SOX5: variants seen among roughly 807,000 people sequenced by gnomAD.
The protein encoded by SOX5 is SRY-box transcription factor 5.
Under a neutral mutation model 92.0 loss-of-function variants are expected in SOX5, and 9 were observed. The observed-to-expected ratio is 0.10, with a 90% confidence interval of 0.06 to 0.17. The LOEUF (loss-of-function observed/expected upper bound fraction) is 0.17. Among genes scored for constraint, SOX5 ranks in the 10% least tolerant of loss-of-function variants. The pLI is 1.00. For missense variants in SOX5, 642 were observed against 944.5 expected, an observed-to-expected ratio of 0.68 and a Z score of 4.20; for synonymous variants, 344 against 336.3, an observed-to-expected ratio of 1.02 and a Z score of -0.25.
intron 6 of SOX5, among the ~76,000 whole-genome samples, chr12:23,671,409 G>T (rs1326613877): frequency 6.6e-6 from 1 of 152,116 alleles, no homozygotes; most frequent in Admixed American, 6.6e-5. Context: ...GGGGAGCATA[G>T]CAGCTGTTTA....
intron 12 of SOX5, among the ~76,000 whole-genome samples, chr12:23,544,218 C>G (rs1245871474): frequency 6.6e-6 from 1 of 152,120 alleles, no homozygotes; most frequent in African/African-American, 2.4e-5. Context: ...CAAGAGTTAA[C>G]AACGATAGCT....
intron 3 of SOX5, among the ~76,000 whole-genome samples, chr12:24,265,271 G>A (rs1049540074): frequency 6.6e-6 from 1 of 152,166 alleles, no homozygotes; most frequent in South Asian, 2.1e-4. Flanking sequence ...ATATGGCCAG[G>A]TGTGGTGGCT....
chr12:23,605,647 T>A (rs191541627), intron 8 of SOX5, among the ~76,000 whole-genome samples: 318 of 151,804 alleles, frequency 2.1e-3, no homozygotes, highest in African/African-American at 7.4e-3. Flanking sequence ...TTATCTTGAT[T>A]TTTTTTCTGA....
At chr12:23,966,169 C>A (rs1318505628) in intron 4 of SOX5, among the ~76,000 whole-genome samples, 2 of 131,220 alleles carry the variant, frequency 1.5e-5, no homozygotes, top group Non-Finnish European at 3.1e-5. Flanking sequence ...GAATCCCCGC[C>A]TCCCCAGATT....
intron 4 of SOX5, among the ~76,000 whole-genome samples, chr12:24,186,913 A>G (rs1243022979): frequency 5.0e-5 from 7 of 139,834 alleles, no homozygotes; most frequent in Non-Finnish European, 1.1e-4. Context: ...TGCTTTTGTA[A>G]AAAAGAAAAC....
At chr12:23,839,011 T>A (rs538487065) in intron 3 of SOX5, among the ~76,000 whole-genome samples, 1 of 151,768 alleles carries the variant, frequency 6.6e-6, no homozygotes, top group South Asian at 2.1e-4. Flanking sequence ...AGCTATTTTT[T>A]TTTTTTTTTG....
intron 2 of SOX5, among the ~76,000 whole-genome samples, chr12:24,321,089 G>T (rs1950177124): frequency 6.6e-6 from 1 of 152,082 alleles, no homozygotes; most frequent in African/African-American, 2.4e-5. Context: ...TTGTTAGAAG[G>T]CCTGGTTGTA....
intron 3 of SOX5, among the ~76,000 whole-genome samples, chr12:24,262,699 C>T (rs768223881): frequency 6.6e-6 from 1 of 152,176 alleles, no homozygotes; most frequent in Non-Finnish European, 1.5e-5. Context: ...TCTCCTCTCT[C>T]ACCTCCAGCT....
At chr12:23,880,095 G>A (rs1057152894) in intron 2 of SOX5, among the ~76,000 whole-genome samples, 14 of 152,154 alleles carry the variant, frequency 9.2e-5, no homozygotes, top group Admixed American at 6.6e-5. Flanking sequence ...CTCTAGAGGA[G>A]CAATAATCTA....
intron 1 of SOX5, among the ~76,000 whole-genome samples, chr12:23,941,758 G>C (rs1943691464): frequency 6.6e-6 from 1 of 151,572 alleles, no homozygotes; most frequent in Middle Eastern, 3.2e-3. Context: ...TGAATAGTTT[G>C]AGCACCAGTT....
intron 1 of SOX5, among the ~76,000 whole-genome samples, chr12:24,440,381 A>G (rs1940292617): frequency 6.6e-6 from 1 of 152,168 alleles, no homozygotes; most frequent in Non-Finnish European, 1.5e-5. Flanking sequence ...TCCCTTCCAC[A>G]GGATCCGCAG....
intron 10 of SOX5, among the ~76,000 whole-genome samples, chr12:23,571,603 C>G (rs1205193497): frequency 6.6e-6 from 1 of 152,096 alleles, no homozygotes; most frequent in Non-Finnish European, 1.5e-5. Flanking sequence ...AAGGCAACAA[C>G]TAAAAAGAAT....
chr12:23,679,293 C>G (rs1199049457), intron 6 of SOX5, among the ~76,000 whole-genome samples: 2 of 152,032 alleles, frequency 1.3e-5, no homozygotes, highest in East Asian at 3.9e-4. Flanking sequence ...AGGGGATATT[C>G]CTTTGGTGAA....
intron 2 of SOX5, among the ~76,000 whole-genome samples, chr12:24,303,710 C>A (rs1280913111): frequency 6.6e-6 from 1 of 152,024 alleles, no homozygotes. Flanking sequence ...TGAAGGTCAC[C>A]GATTCCTTCT....
chr12:23,564,168 C>T (rs957459043), intron 10 of SOX5, among the ~76,000 whole-genome samples: 2 of 152,154 alleles, frequency 1.3e-5, no homozygotes, highest in Non-Finnish European at 2.9e-5. Context: ...GTAATACACA[C>T]TACCAAAATA....
chr12:24,434,445 T>G (rs1450519492), intron 1 of SOX5, among the ~76,000 whole-genome samples: 1 of 152,210 alleles, frequency 6.6e-6, no homozygotes, highest in Non-Finnish European at 1.5e-5. Context: ...CCAACTCCTG[T>G]ATACGCTCTA....
intron 6 of SOX5, among the ~76,000 whole-genome samples, chr12:23,667,509 G>A (rs952380267): frequency 5.9e-5 from 9 of 152,072 alleles, no homozygotes; most frequent in East Asian, 3.9e-4. Flanking sequence ...GAGTGACATC[G>A]AAATTTAAAG....
intron 3 of SOX5, among the ~76,000 whole-genome samples, chr12:23,758,008 C>CAAAAAAAAAAA (rs34841595): frequency 1.9e-4 from 13 of 68,244 alleles, no homozygotes; most frequent in African/African-American, 6.9e-4. Context: ...GCACACACTA[C>CAAAAAAAAAAA]AAAAAAAAAA....
chr12:24,140,283 A>AG (rs1185885002), intron 4 of SOX5, among the ~76,000 whole-genome samples: 2 of 152,104 alleles, frequency 1.3e-5, no homozygotes, highest in Non-Finnish European at 2.9e-5. Context: ...TTAGAGAGGA[A>AG]GTGATGTTCA....
Sources: gnomAD v4.1 joint callset for allele counts (sites outside exome capture counted in the v4.1 genomes callset) on GRCh38, gnomAD v4.1.1 for gene constraint, MANE v1.5 for transcripts, NCBI Gene and HGNC (gene_info 2026-07-23, HGNC 2026-07-21) for gene names.